Variants in TRIM44 observed in about 807,000 individuals in gnomAD.
The protein encoded by TRIM44 is tripartite motif-containing protein 44.
In TRIM44, 13 loss-of-function variants were observed where a neutral mutation model predicts 37.4. The ratio of observed to expected loss-of-function variants is 0.35; its 90% CI spans 0.23 to 0.55. The LOEUF (loss-of-function observed/expected upper bound fraction) is 0.55. Ranked by LOEUF, TRIM44 falls within the 20% of genes least tolerant of loss-of-function variation. TRIM44 has a pLI of 0.89. For synonymous variants in TRIM44, 175 were observed against 157.2 expected, an observed-to-expected ratio of 1.11 and a Z score of -0.85; for missense variants, 426 against 437.2, an observed-to-expected ratio of 0.97 and a Z score of 0.23.
chr11:35,810,846 C>G lies in TRIM44; in HGVS notation c.*4461C>G, dbSNP rs1226608388. 2.0e-5 allele frequency: 3 copies of G among 152,160 alleles called. No individual in the cohort carries two copies. The East Asian group carries it at 5.8e-4, about 29-fold the overall frequency. 9.4% of individuals were successfully genotyped at this position (152,160 alleles called of 1,614,324 possible). On this transcript the variant is annotated 3_prime_UTR_variant, in exon 5 of 5. Transcript: ENST00000299413. ...TATTTTCCTGTGCACAGTCACATTC[C>G]CTCCTTAGGAATCTTCCCCTTCCAC...
chr11:35,746,576 T>C (rs540615031), intron 4 of TRIM44, among the ~76,000 whole-genome samples: 7 of 152,012 alleles, frequency 4.6e-5, no homozygotes, highest in African/African-American at 1.7e-4. Context: ...TTTGTTTGTT[T>C]GTTTTCTTTC....
chr11:35,754,388 G>A (rs1324480467), intron 4 of TRIM44, among the ~76,000 whole-genome samples: 4 of 152,132 alleles, frequency 2.6e-5, no homozygotes, highest in Admixed American at 2.6e-4. Flanking sequence ...GACTATTATG[G>A]AGACTCACTG....
intron 1 of TRIM44, among the ~76,000 whole-genome samples, chr11:35,667,201 C>T (rs952380820): frequency 1.4e-4 from 22 of 152,022 alleles, no homozygotes; most frequent in African/African-American, 4.8e-4. Context: ...ATATCAAATG[C>T]TTTTTTTGCA....
At chr11:35,706,531 G>A (rs183775979) in intron 2 of TRIM44, among the ~76,000 whole-genome samples, 9 of 152,230 alleles carry the variant, frequency 5.9e-5, no homozygotes, top group African/African-American at 1.9e-4. Flanking sequence ...CTGGCAAACC[G>A]AATCCAGCAG....
chr11:35,799,858 T>C (rs1019018903), intron 4 of TRIM44, among the ~76,000 whole-genome samples: 1 of 152,156 alleles, frequency 6.6e-6, no homozygotes, highest in East Asian at 1.9e-4. Flanking sequence ...GAACCAGAAC[T>C]AGAGAGAGAA....
chr11:35,755,085 C>T (rs1852616323), intron 4 of TRIM44, among the ~76,000 whole-genome samples: 1 of 152,320 alleles, frequency 6.6e-6, no homozygotes, highest in East Asian at 1.9e-4. Flanking sequence ...ACCACACTGA[C>T]TTCCACAGTG....
intron 4 of TRIM44, among the ~76,000 whole-genome samples, chr11:35,741,080 C>T (rs1852391130): frequency 6.6e-6 from 1 of 152,076 alleles, no homozygotes; most frequent in African/African-American, 2.4e-5. Context: ...TTGGTTGTTG[C>T]GTTGTCTTCA....
chr11:35,798,611 A>C (rs1017774735), intron 4 of TRIM44, among the ~76,000 whole-genome samples: 3 of 152,238 alleles, frequency 2.0e-5, no homozygotes, highest in Non-Finnish European at 4.4e-5. Context: ...CTTTGGAAAT[A>C]ACTAAGGATG....
chr11:35,769,790 T>C (rs1360413310), intron 4 of TRIM44, among the ~76,000 whole-genome samples: 1 of 152,182 alleles, frequency 6.6e-6, no homozygotes, highest in Non-Finnish European at 1.5e-5. Context: ...AATTAACAAA[T>C]AAATTGAACA....
chr11:35,682,760 A>G (rs1319539763), intron 1 of TRIM44, among the ~76,000 whole-genome samples: 1 of 152,108 alleles, frequency 6.6e-6, no homozygotes, highest in Non-Finnish European at 1.5e-5. Context: ...TGACACACTG[A>G]ATTTTTATGA....
In TRIM44 at chr11:35,685,808, C is replaced by G. The variant is rs564830050; in HGVS notation, c.747+472C>G. The stretch of plus-strand genomic sequence containing the variant: ...CCTCCTGAGTAGCTGGGATTACAGG[C>G]CTGCGCCACCATGCCCTGCTAATTT... On this transcript the variant is annotated intron_variant, in intron 2 of 4. Coordinates refer to ENST00000299413, the MANE Select transcript of TRIM44 (RefSeq NM_017583.6). Among the ~76,000 whole-genome samples the G allele has an allele frequency of 5.3e-5, 8 of 152,282 alleles. No individual in the cohort carries two copies. The East Asian group carries it at 1.5e-3, about 29-fold the overall frequency.
intron 4 of TRIM44, among the ~76,000 whole-genome samples, chr11:35,755,327 C>A (rs575206712): frequency 1.4e-4 from 21 of 151,274 alleles, no homozygotes; most frequent in South Asian, 6.4e-4. Context: ...CTGTTCATAT[C>A]TTTTGCCCAC....
At chr11:35,803,082 G>C (rs1302540689) in intron 4 of TRIM44, among the ~76,000 whole-genome samples, 1 of 152,158 alleles carries the variant, frequency 6.6e-6, no homozygotes, top group Non-Finnish European at 1.5e-5. Context: ...CTGGAAGATA[G>C]CATTTCGATG....
chr11:35,729,771 G>A (rs528629679), intron 3 of TRIM44, among the ~76,000 whole-genome samples: 152 of 152,292 alleles, frequency 1.0e-3, no homozygotes, highest in African/African-American at 3.4e-3. Context: ...TAAACAGGTT[G>A]ACTGCTAAAA....
Position 35,663,215 on chromosome 11 carries a change from A to G in TRIM44, c.104A>G (p.Glu35Gly). The G allele has an allele frequency of 6.2e-7, 1 of 1,604,000 alleles. No individual in the cohort carries two copies. The highest frequency in any genetic ancestry group is 1.1e-5 in the South Asian group (1 of 89,884). The change falls in exon 1 of 5, where the codon GAA becomes GGA. Residue 35 changes from glutamate (E) to glycine (G), a missense_variant. Glu to Gly is a moderately conservative substitution (Grantham distance 98). Coordinates refer to ENST00000299413, the MANE Select transcript of TRIM44 (RefSeq NM_017583.6). Reference protein sequence around the residue: ...EAPGAEEVCRECGFCYCRRHA... With the variant: ...EAPGAEEVCRGCGFCYCRRHA... ...CCGGGGGCCGAGGAAGTGTGCCGAG[A>G]ATGCGGCTTCTGCTACTGCCGCCGC...
chr11:35,775,620 T>C (rs1216682700), intron 4 of TRIM44, among the ~76,000 whole-genome samples: 3 of 152,174 alleles, frequency 2.0e-5, no homozygotes, highest in Non-Finnish European at 4.4e-5. Context: ...GATAAATAGC[T>C]CTTACCATTT....
At chr11:35,759,345 C>T (rs1331956945) in intron 4 of TRIM44, among the ~76,000 whole-genome samples, 1 of 152,236 alleles carries the variant, frequency 6.6e-6, no homozygotes, top group Non-Finnish European at 1.5e-5. Flanking sequence ...TGGTTTTCAG[C>T]TCCATCAGGT....
chr11:35,692,461 CA>C (rs1331456151), intron 2 of TRIM44, among the ~76,000 whole-genome samples: 1 of 152,098 alleles, frequency 6.6e-6, no homozygotes, highest in Non-Finnish European at 1.5e-5. Flanking sequence ...TTTGGATTTT[CA>C]AATATTTGTG....
At chr11:35,721,450 T>G (rs1852106068) in intron 2 of TRIM44, among the ~76,000 whole-genome samples, 1 of 152,184 alleles carries the variant, frequency 6.6e-6, no homozygotes, top group Non-Finnish European at 1.5e-5. Context: ...ACAGCAATAG[T>G]AAATACCATT....
Sources: allele counts gnomAD v4.1 joint callset (sites outside exome capture counted in the v4.1 genomes callset), GRCh38; gene constraint gnomAD v4.1.1; transcripts MANE v1.5; gene names NCBI Gene and HGNC (gene_info 2026-07-23, HGNC 2026-07-21).